The following CCNL1 variants were observed in gnomAD, a reference collection of about 807,000 sequenced individuals.
The protein encoded by CCNL1 is cyclin-L1.
Under a neutral mutation model 60.6 loss-of-function variants are expected in CCNL1, and 13 were observed. The observed-to-expected ratio is 0.21, with a 90% CI of 0.14 to 0.34. CCNL1 has a LOEUF of 0.34. Ranked by LOEUF, CCNL1 falls within the 10% of genes least tolerant of loss-of-function variation. CCNL1 has a pLI of 1.00. For synonymous variants in CCNL1, 270 were observed against 244.3 expected (o/e 1.10, Z -0.98); for missense variants, 481 against 664.3 (o/e 0.72, Z 3.03).
At chr3:157,151,381 A>G (rs1738179918) in intron 5 of CCNL1, 1 of 985,762 alleles carries the variant, frequency 1.0e-6, no homozygotes, top group Admixed American at 6.1e-5. Context: ...AGCACTCCAA[A>G]TCACACATCT....
At position 157,157,223 on chromosome 3, in the gene CCNL1, T is replaced by C; in HGVS notation, c.488+1643A>G. 5.6e-6 allele frequency: 4 copies of C among 716,008 alleles called. 1 individual carries two copies. Among genetic ancestry groups the C allele is most frequent in the Non-Finnish European group, 8.3e-6 (4 of 482,260 alleles). 44.4% of individuals were successfully genotyped at this position (716,008 alleles called of 1,614,324 possible). On this transcript the variant is annotated intron_variant, in intron 3 of 10. Transcript: ENST00000295926. Reference sequence around the variant, plus strand: ...AGGCTTCCATGCAATTAACAACTCCTTTTAAATTTTGCTATAATCAGACTT... The same window carrying C: ...AGGCTTCCATGCAATTAACAACTCCCTTTAAATTTTGCTATAATCAGACTT...
intron 5 of CCNL1, 73 bp from the exon 6 acceptor site, chr3:157,150,454 C>A: frequency 6.5e-7 from 1 of 1,537,582 alleles, no homozygotes. Flanking sequence ...AAATTGGAGA[C>A]TCAATCTACT....
intron 3 of CCNL1, among the ~76,000 whole-genome samples, chr3:157,157,580 TAACC>T (rs145455364): frequency 0.02 from 3,104 of 152,298 alleles, 113 homozygotes; most frequent in African/African-American, 0.071. Context: ...AATACAGATT[TAACC>T]TCAGACCATA....
rs73873794 is a variant in CCNL1 at position 157,149,032 on chromosome 3, C to A, written c.1232+255G>T. The stretch of plus-strand genomic sequence containing the variant: ...AAAAAAGAAGTTTTCACATTATGAA[C>A]AATACTATGGCCCTCAAGCACTTTG... On this transcript the variant is annotated intron_variant, in intron 10 of 10. Coordinates refer to ENST00000295926, the MANE Select transcript of CCNL1 (RefSeq NM_020307.4). 247 of 416,080 alleles carry A rather than the reference C, an allele frequency of 5.9e-4. 1 individual carries two copies. Among genetic ancestry groups the A allele is most frequent in the African/African-American group, 4.3e-3 (209 of 48,156 alleles). The allele number at this position is 416,080 out of a possible 1,614,324, so 25.8% of individuals were successfully genotyped here.
rs1279179106 is a variant in CCNL1 at position 157,153,147 on chromosome 3, G to A, written c.498C>T (p.Ser166=). 2 of 1,610,992 alleles carry A rather than the reference G, an allele frequency of 1.2e-6. No homozygotes were observed. Among genetic ancestry groups the A allele is most frequent in the Non-Finnish European group, 1.7e-6 (2 of 1,179,004 alleles). The change falls in exon 4 of 11, where the codon AGC becomes AGT. Residue 166 remains serine, a synonymous_variant. Transcript: ENST00000295926. ...LRQLRGKRTP[S]PLILDQNYIN... ...TGTAGTTCTGATCAAGGATCAGGGG[G>A]CTTGGAGTCCTATAGTTTGTAAGAA...
downstream of CCNL1, among the ~76,000 whole-genome samples, chr3:157,144,093 G>C (rs1737716070): frequency 6.6e-6 from 1 of 152,148 alleles, no homozygotes; most frequent in Non-Finnish European, 1.5e-5. Flanking sequence ...TCCATACTTA[G>C]ACTGGGTTAG....
chr3:157,147,584 A>C lies in CCNL1; in HGVS notation c.*657T>G. On this transcript the variant is annotated 3_prime_UTR_variant, in exon 11 of 11. Transcript: ENST00000295926. ...GGTTTAGTGCTAAAATATAACATTT[A>C]ATGTCACATTGTTGGGCGACTCCCA... 1 of 985,394 alleles carries C rather than the reference A, an allele frequency of 1.0e-6. No homozygotes were observed. Among genetic ancestry groups the C allele is most frequent in the Non-Finnish European group, 1.2e-6 (1 of 829,872 alleles). The allele number at this position is 985,394 out of a possible 1,614,324, so 61.0% of individuals were successfully genotyped here.
chr3:157,159,905 G>A lies in CCNL1; in HGVS notation c.190C>T (p.Leu64Phe). 6.2e-7 allele frequency: 1 copy of A among 1,606,276 alleles called. No homozygotes were observed. The highest frequency in any genetic ancestry group is 2.2e-5 in the East Asian group (1 of 44,538). ...TCCTGCATGGATGGGGTGGGCGAGA[G>A]CCTCTCCTCCGGAATCAGAGAGTGG... ...IDHSLIPEER[L>F]SPTPSMQDGL... Residue 64 changes from leucine (L) to phenylalanine (F), a missense_variant, in exon 1 of 11, where the codon CTC becomes TTC. Transcript: ENST00000295926.
chr3:157,151,192 T>A, intron 5 of CCNL1: 1 of 985,184 alleles, frequency 1.0e-6, no homozygotes, highest in East Asian at 1.1e-4. Flanking sequence ...ATAATGAGAC[T>A]TTTCTAACAT....
In CCNL1 at chr3:157,148,594, G is replaced by A; in HGVS notation, c.1233-5C>T. 6.4e-7 allele frequency: 1 copy of A among 1,574,326 alleles called. No homozygotes were observed. The highest frequency in any genetic ancestry group is 8.6e-7 in the Non-Finnish European group (1 of 1,163,642). On this transcript the variant is annotated splice_polypyrimidine_tract_variant and splice_region_variant and intron_variant, in intron 10 of 10. Transcript: ENST00000295926. Reference sequence around the variant, plus strand: ...CGACTCCGCCTATTATTATAGCTTAGATAATAAAAATTTGAAGTTTAGGTT... The same window carrying A: ...CGACTCCGCCTATTATTATAGCTTAAATAATAAAAATTTGAAGTTTAGGTT...
intron 3 of CCNL1, chr3:157,153,905 A>ATT (rs1560199189): frequency 6.6e-6 from 1 of 152,170 alleles, no homozygotes; most frequent in Non-Finnish European, 1.5e-5. Flanking sequence ...TAAAAATCGT[A>ATT]TTTAAAACTC....
chr3:157,160,124 G>A lies in CCNL1; in HGVS notation c.-30C>T. The A allele has an allele frequency of 6.5e-7, 1 of 1,527,796 alleles. No homozygotes were observed. The highest frequency in any genetic ancestry group is 8.8e-7 in the Non-Finnish European group (1 of 1,135,096). The allele number at this position is 1,527,796 out of a possible 1,614,324, so 94.6% of individuals were successfully genotyped here. A position where few individuals can be genotyped will look rare whatever the true frequency, so the allele number is the denominator to read the frequency against. On this transcript the variant is annotated 5_prime_UTR_variant, in exon 1 of 11. Coordinates refer to ENST00000295926, the MANE Select transcript of CCNL1 (RefSeq NM_020307.4). The stretch of plus-strand genomic sequence containing the variant: ...TTAGCGAGCCGCACGCAAGCCCAAC[G>A]CAGCCGGAACCCGAAACAAGACTAA...
At chr3:157,147,186 T>A (rs186567082), downstream of CCNL1, among the ~76,000 whole-genome samples, 2 of 152,344 alleles carry the variant, frequency 1.3e-5, no homozygotes, top group Admixed American at 1.3e-4. Context: ...ATAAATGTAA[T>A]GGAGACCTTA....
chr3:157,152,378 A>G (rs1560198136), intron 4 of CCNL1, 137 bp from the exon 5 acceptor site: 8 of 1,410,236 alleles, frequency 5.7e-6, no homozygotes, highest in South Asian at 1.7e-5. Context: ...TTAAATGTAC[A>G]TAAGATTCTA....
At chr3:157,153,305 C>T (rs1738340590) in intron 3 of CCNL1, 149 bp from the exon 4 acceptor site, 1 of 672,300 alleles carries the variant, frequency 1.5e-6, no homozygotes, top group Non-Finnish European at 2.4e-6. Flanking sequence ...TAATCTTGTG[C>T]TGTCCAAGTT....
chr3:157,144,722 C>T (rs1327704392), downstream of CCNL1, among the ~76,000 whole-genome samples: 2 of 152,236 alleles, frequency 1.3e-5, no homozygotes, highest in East Asian at 3.8e-4. Context: ...TCTCTCCAAA[C>T]CCTTCAGTAT....
chr3:157,151,437 G>C (rs951135889), intron 5 of CCNL1: 1 of 985,580 alleles, frequency 1.0e-6, no homozygotes, highest in Non-Finnish European at 1.2e-6. Context: ...CAATATTATA[G>C]TAACATCTCT....
At chr3:157,151,323 TA>T in intron 5 of CCNL1, 1 of 985,790 alleles carries the variant, frequency 1.0e-6, no homozygotes, top group Non-Finnish European at 1.2e-6. Flanking sequence ...TAGGAAACAG[TA>T]GTTGTGGCTG....
downstream of CCNL1, among the ~76,000 whole-genome samples, chr3:157,145,923 T>C (rs1203133923): frequency 6.6e-6 from 1 of 152,210 alleles, no homozygotes; most frequent in Non-Finnish European, 1.5e-5. Context: ...TGCAACATAT[T>C]TGGACTTTGA....
Sources: gnomAD v4.1 joint callset for allele counts (sites outside exome capture counted in the v4.1 genomes callset) on GRCh38, gnomAD v4.1.1 for gene constraint, MANE v1.5 for transcripts, NCBI Gene and HGNC (gene_info 2026-07-23, HGNC 2026-07-21) for gene names.